The following ITPR2 variants were observed in gnomAD, a reference collection of about 807,000 sequenced individuals.
ITPR2 encodes inositol 1,4,5-trisphosphate-gated calcium channel ITPR2.
Under a neutral mutation model 317.1 loss-of-function variants are expected in ITPR2, and 207 were observed. The observed-to-expected ratio is 0.65, with a 90% CI of 0.58 to 0.73. The LOEUF (loss-of-function observed/expected upper bound fraction) is 0.73, where lower values mean the gene tolerates loss of function less well. Ranked by LOEUF, ITPR2 falls within the 30% of genes least tolerant of loss-of-function variation. The probability of loss-of-function intolerance (pLI) is 0.00; values close to 1 mark genes in which losing one functional copy is unlikely to be tolerated. For missense variants in ITPR2, 2,613 were observed against 3,284.0 expected (o/e 0.80, Z 4.99); for synonymous variants, 1,156 against 1,149.1 (o/e 1.01, Z -0.12).
intron 54 of ITPR2, among the ~76,000 whole-genome samples, chr12:26,391,334 C>T (rs1477809591): frequency 6.6e-6 from 1 of 152,038 alleles, no homozygotes; most frequent in Non-Finnish European, 1.5e-5. Context: ...CTCTAAAGCC[C>T]ATGTTCTTTT....
intron 55 of ITPR2, among the ~76,000 whole-genome samples, chr12:26,354,347 A>G (rs1938569120): frequency 6.6e-6 from 1 of 152,214 alleles, no homozygotes; most frequent in African/African-American, 2.4e-5. Flanking sequence ...GGTTTGTCTC[A>G]CACAAATAAA....
chr12:26,522,449 G>T (rs1163808785), intron 37 of ITPR2, among the ~76,000 whole-genome samples: 1 of 152,146 alleles, frequency 6.6e-6, no homozygotes, highest in African/African-American at 2.4e-5. Flanking sequence ...GTCCAACTTG[G>T]CCCAGTTTGT....
chr12:26,653,100 T>C (rs558404084), intron 21 of ITPR2, among the ~76,000 whole-genome samples: 1 of 152,174 alleles, frequency 6.6e-6, no homozygotes, highest in Non-Finnish European at 1.5e-5. Flanking sequence ...ACCTTATAAA[T>C]GGTCAAGGCA....
chr12:26,622,442 T>C (rs542901056), intron 24 of ITPR2, 37 bp from the exon 25 acceptor site: 1 of 1,482,900 alleles, frequency 6.7e-7, no homozygotes, highest in South Asian at 1.3e-5. Context: ...TGACTCCTAT[T>C]TATATAACAT....
At chr12:26,585,206 C>A (rs1345971863) in intron 32 of ITPR2, among the ~76,000 whole-genome samples, 1 of 151,926 alleles carries the variant, frequency 6.6e-6, no homozygotes, top group Non-Finnish European at 1.5e-5. Context: ...TTTGTTCTGC[C>A]ATATATATTT....
intron 55 of ITPR2, among the ~76,000 whole-genome samples, chr12:26,353,404 AAT>A: frequency 6.6e-6 from 1 of 152,360 alleles, no homozygotes; most frequent in South Asian, 2.1e-4. Context: ...GAAAATGCTG[AAT>A]AGCCAGTGAT....
At chr12:26,741,561 C>A (rs1949229209) in intron 2 of ITPR2, among the ~76,000 whole-genome samples, 1 of 151,990 alleles carries the variant, frequency 6.6e-6, no homozygotes, top group African/African-American at 2.4e-5. Flanking sequence ...AAAAAAAAGT[C>A]AAGGCATTAC....
At position 26,496,875 on chromosome 12, in the gene ITPR2, C is replaced by T. The variant is rs1371826381; in HGVS notation, c.5074-1615G>A. On this transcript the variant is annotated intron_variant, in intron 37 of 56. Transcript: ENST00000381340. ...AGGAGAATGGCGTGAACCCAGGAAG[C>T]GGAGCTTGCAGTGAGCCGAGATTGT... Among the ~76,000 whole-genome samples the T allele has an allele frequency of 2.1e-4, 31 of 149,310 alleles. 1 individual carries two copies. The highest frequency in any genetic ancestry group is 1.2e-3 in the Admixed American group (18 of 14,852).
intron 2 of ITPR2, among the ~76,000 whole-genome samples, chr12:26,763,317 A>C (rs1386718063): frequency 2.0e-5 from 3 of 152,120 alleles, no homozygotes; most frequent in South Asian, 2.1e-4. Flanking sequence ...TAAATAAATA[A>C]ATAAATAAAT....
At chr12:26,414,711 G>A (rs1280732666) in intron 51 of ITPR2, among the ~76,000 whole-genome samples, 1 of 152,066 alleles carries the variant, frequency 6.6e-6, no homozygotes, top group Non-Finnish European at 1.5e-5. Context: ...TAAATGGACG[G>A]TGCCTAACCA....
intron 37 of ITPR2, among the ~76,000 whole-genome samples, chr12:26,546,472 C>A (rs1948009): frequency 0.64 from 96,513 of 151,940 alleles, 32,780 homozygotes; most frequent in Non-Finnish European, 0.78. Flanking sequence ...GGCTTATTTC[C>A]CTTAAGATAA....
intron 55 of ITPR2, among the ~76,000 whole-genome samples, chr12:26,343,101 G>A (rs529212960): frequency 9.9e-5 from 15 of 152,170 alleles, no homozygotes; most frequent in African/African-American, 1.2e-4. Context: ...CTGGTGCCAC[G>A]CTTCTTGTGT....
At chr12:26,812,111 C>T (rs1298289884) in intron 1 of ITPR2, among the ~76,000 whole-genome samples, 2 of 145,492 alleles carry the variant, frequency 1.4e-5, no homozygotes, top group Non-Finnish European at 3.0e-5. Context: ...TGCAGTGAGC[C>T]GAGCTCATCC....
intron 13 of ITPR2, among the ~76,000 whole-genome samples, chr12:26,678,476 A>G (rs1223776394): frequency 6.6e-6 from 1 of 152,160 alleles, no homozygotes; most frequent in Admixed American, 6.6e-5. Flanking sequence ...GATAATAATC[A>G]CTTCATTTTC....
At chr12:26,523,535 T>TAAA (rs533240815) in intron 37 of ITPR2, among the ~76,000 whole-genome samples, 2 of 149,666 alleles carry the variant, frequency 1.3e-5, no homozygotes, top group Non-Finnish European at 3.0e-5. Flanking sequence ...TTTTTTTTTT[T>TAAA]TAAAAAGCCT....
intron 45 of ITPR2, among the ~76,000 whole-genome samples, chr12:26,469,958 T>C (rs1942259414): frequency 6.6e-6 from 1 of 152,160 alleles, no homozygotes. Context: ...TTGGAAGAAG[T>C]GGAAATCCAG....
At chr12:26,590,299 G>C (rs1052222189) in intron 32 of ITPR2, among the ~76,000 whole-genome samples, 5 of 152,174 alleles carry the variant, frequency 3.3e-5, no homozygotes, top group Non-Finnish European at 5.9e-5. Flanking sequence ...AGCAAGAATA[G>C]TGAGGAGGTG....
intron 13 of ITPR2, among the ~76,000 whole-genome samples, chr12:26,668,769 T>C (rs1251251420): frequency 6.6e-6 from 1 of 151,150 alleles, no homozygotes; most frequent in African/African-American, 2.4e-5. Flanking sequence ...CAACGTATTT[T>C]AAAAAGGCCA....
chr12:26,388,615 G>A (rs1347343519), intron 54 of ITPR2, among the ~76,000 whole-genome samples: 1 of 151,836 alleles, frequency 6.6e-6, no homozygotes, highest in Non-Finnish European at 1.5e-5. Context: ...CACCATGCCC[G>A]GCTAATTTTT....
Sources: gnomAD v4.1 joint callset for allele counts (sites outside exome capture counted in the v4.1 genomes callset) on GRCh38, gnomAD v4.1.1 for gene constraint, MANE v1.5 for transcripts, NCBI Gene and HGNC (gene_info 2026-07-23, HGNC 2026-07-21) for gene names.